MYLK: variants seen among roughly 807,000 people sequenced by gnomAD.
MYLK encodes the protein myosin light chain kinase, also known as myosin light chain kinase, smooth muscle.
A neutral mutation model predicts 203.4 loss-of-function variants in MYLK; 106 were observed. That is an observed-to-expected ratio of 0.52 (90% CI 0.45 to 0.61). MYLK has a LOEUF of 0.61. Among genes scored for constraint, MYLK ranks in the 20% least tolerant of loss-of-function variants. MYLK has a pLI of 0.00. For missense variants in MYLK, 2,072 were observed against 2,442.3 expected, an observed-to-expected ratio of 0.85 and a Z score of 3.20; for synonymous variants, 867 against 959.5, an observed-to-expected ratio of 0.90 and a Z score of 1.78.
chr3:123,634,318 G>C (rs1273090556), intron 29 of MYLK, among the ~76,000 whole-genome samples: 1 of 152,232 alleles, frequency 6.6e-6, no homozygotes. Context: ...GAGGGCAGCG[G>C]CAGCCCCAGG....
Position 123,793,827 on chromosome 3 carries a change from C to T in MYLK, c.15G>A (p.Lys5=), listed in dbSNP as rs777696799. 1 of 1,614,234 alleles carries T rather than the reference C, an allele frequency of 6.2e-7. No individual in the cohort carries two copies. The highest frequency in any genetic ancestry group is 1.1e-5 in the South Asian group (1 of 91,088). The change falls in exon 4 of 34, where the codon AAG becomes AAA. Residue 5 remains lysine, a synonymous_variant. Coordinates refer to ENST00000360304, the MANE Select transcript of MYLK (RefSeq NM_053025.4). MGDV[K]LVASSHISKT... ...TGGAAATGTGTGACGAGGCAACCAG[C>T]TTCACATCCCCCATGGTCTGCAAAA... is the stretch of plus-strand genomic sequence containing the variant.
At chr3:123,855,348 C>A (rs2148675248) in intron 2 of MYLK, among the ~76,000 whole-genome samples, 1 of 152,322 alleles carries the variant, frequency 6.6e-6, no homozygotes, top group Non-Finnish European at 1.5e-5. Flanking sequence ...AATCTGTTAA[C>A]TCATGCTTCA....
chr3:123,875,182 T>C (rs2033072436), intron 2 of MYLK, among the ~76,000 whole-genome samples: 1 of 152,120 alleles, frequency 6.6e-6, no homozygotes, highest in South Asian at 2.1e-4. Context: ...TGATAGTGAG[T>C]TGTTCATTAT....
chr3:123,792,149 A>G (rs2064806385), intron 4 of MYLK, among the ~76,000 whole-genome samples: 1 of 152,224 alleles, frequency 6.6e-6, no homozygotes, highest in Admixed American at 6.5e-5. Context: ...CAGCAAAGGA[A>G]GCAAAAGCAT....
In MYLK at chr3:123,612,252, C is replaced by T. The variant is rs1173520942; in HGVS notation, c.*1853G>A. ...TTTCATTTCCAGGATATAGCTGTGT[C>T]CTTTACAACTGGTAGCATGGAAAGA... On this transcript the variant is annotated 3_prime_UTR_variant, in exon 34 of 34. Transcript: ENST00000360304. The T allele has an allele frequency of 6.6e-6, 1 of 152,616 alleles. No individual in the cohort carries two copies. Among genetic ancestry groups the T allele is most frequent in the African/African-American group, 2.4e-5 (1 of 41,428 alleles). 9.5% of individuals were successfully genotyped at this position (152,616 alleles called of 1,614,324 possible).
chr3:123,759,751 G>A (rs976184972), intron 4 of MYLK, among the ~76,000 whole-genome samples: 3 of 152,192 alleles, frequency 2.0e-5, no homozygotes, highest in Non-Finnish European at 1.5e-5. Flanking sequence ...ACCCAAAACT[G>A]AGAAGATGTA....
At chr3:123,755,245 A>G (rs564171261) in intron 4 of MYLK, among the ~76,000 whole-genome samples, 1 of 152,312 alleles carries the variant, frequency 6.6e-6, no homozygotes, top group East Asian at 1.9e-4. Flanking sequence ...ATTAGCAAGC[A>G]TACTGGCCCC....
chr3:123,864,154 T>C (rs1344918577), intron 2 of MYLK, among the ~76,000 whole-genome samples: 1 of 152,186 alleles, frequency 6.6e-6, no homozygotes, highest in East Asian at 1.9e-4. Flanking sequence ...AACAAATCTG[T>C]GCCTTAAATA....
chr3:123,776,274 T>G (rs1294016025), intron 4 of MYLK, among the ~76,000 whole-genome samples: 1 of 152,142 alleles, frequency 6.6e-6, no homozygotes, highest in Non-Finnish European at 1.5e-5. Context: ...AGTTTGAATC[T>G]CACAGATCAG....
intron 3 of MYLK, among the ~76,000 whole-genome samples, chr3:123,803,377 T>C (rs984498967): frequency 1.3e-5 from 2 of 152,164 alleles, no homozygotes; most frequent in Admixed American, 1.3e-4. Flanking sequence ...TCAAAGTAGG[T>C]GCACAGGAGA....
chr3:123,788,207 C>T (rs1350802645), intron 4 of MYLK, among the ~76,000 whole-genome samples: 1 of 152,210 alleles, frequency 6.6e-6, no homozygotes, highest in Non-Finnish European at 1.5e-5. Context: ...TCATCTTAAT[C>T]TCTCAATTCC....
chr3:123,776,646 AAGC>A (rs1210409283), intron 4 of MYLK, among the ~76,000 whole-genome samples: 1 of 152,246 alleles, frequency 6.6e-6, no homozygotes, highest in East Asian at 1.9e-4. Flanking sequence ...TGGCTGAAAA[AAGC>A]AGGATACAAA....
intron 11 of MYLK, among the ~76,000 whole-genome samples, 184 bp from the exon 12 acceptor site, chr3:123,726,262 G>C (rs820331): frequency 0.012 from 1,770 of 152,286 alleles, 12 homozygotes; most frequent in Non-Finnish European, 0.018. Context: ...TAGGGACATG[G>C]AGCCTGAAGC....
At chr3:123,815,327 A>T (rs1230129582) in intron 3 of MYLK, among the ~76,000 whole-genome samples, 3 of 152,190 alleles carry the variant, frequency 2.0e-5, no homozygotes, top group African/African-American at 7.2e-5. Context: ...TATCAGGTCC[A>T]GGGATTCCTA....
rs538843165 is a variant in MYLK at position 123,850,890 on chromosome 3, A to C, written c.-126-19220T>G. On this transcript the variant is annotated intron_variant, in intron 2 of 33. Transcript: ENST00000360304. ...TTTATGGTTTTAGGTCTAACATTTA[A>C]GTCTTTAATCCATCTTGAATTAATT... is the stretch of plus-strand genomic sequence containing the variant. Among the ~76,000 whole-genome samples the C allele has an allele frequency of 3.0e-3, 458 of 152,320 alleles. 2 individuals are homozygous for C. Among genetic ancestry groups the C allele is most frequent in the African/African-American group, 0.01 (422 of 41,564 alleles).
intron 29 of MYLK, chr3:123,630,768 G>A (rs2058382459): frequency 6.6e-6 from 1 of 152,334 alleles, no homozygotes; most frequent in Non-Finnish European, 1.5e-5. Context: ...ATGACTTTGT[G>A]ACCAGCAGCT....
At chr3:123,861,457 C>G (rs1216295071) in intron 2 of MYLK, among the ~76,000 whole-genome samples, 1 of 152,236 alleles carries the variant, frequency 6.6e-6, no homozygotes, top group South Asian at 2.1e-4. Context: ...TAAAGTGCTG[C>G]CCTCACAGTG....
In MYLK at chr3:123,707,807, C is replaced by G. The variant is rs369955503; in HGVS notation, c.2337G>C (p.Leu779=). The G allele has an allele frequency of 1.2e-6, 2 of 1,614,098 alleles. No individual in the cohort carries two copies. The highest frequency in any genetic ancestry group is 8.5e-7 in the Non-Finnish European group (1 of 1,180,044). Residue 779 remains leucine, a synonymous_variant, in exon 16 of 34, where the codon CTG becomes CTC. Transcript: ENST00000360304. Reference sequence around the variant, plus strand: ...GCCAGGGCTGCACCTTCTTTAGAACCAGGGTGAACACGTCCTCATTCTGAA... The same window carrying G: ...GCCAGGGCTGCACCTTCTTTAGAACGAGGGTGAACACGTCCTCATTCTGAA... The part of the protein sequence containing the change: ...EVLQNEDVFT[L]VLKKVQPWHA...
chr3:123,694,768 C>T (rs1191898513), intron 18 of MYLK, among the ~76,000 whole-genome samples: 2 of 152,250 alleles, frequency 1.3e-5, no homozygotes, highest in Non-Finnish European at 1.5e-5. Flanking sequence ...GCTTTTCCAA[C>T]CTGCCCAGAG....
Sources: gnomAD v4.1 joint callset for allele counts (sites outside exome capture counted in the v4.1 genomes callset) on GRCh38, gnomAD v4.1.1 for gene constraint, MANE v1.5 for transcripts, NCBI Gene and HGNC (gene_info 2026-07-23, HGNC 2026-07-21) for gene names.